FRMD5: variants seen among roughly 807,000 people sequenced by gnomAD.
FRMD5 encodes the protein FERM domain containing 5, also known as FERM domain-containing protein 5.
A neutral mutation model predicts 69.0 loss-of-function variants in FRMD5; 20 were observed. The ratio of observed to expected loss-of-function variants is 0.29; its 90% CI spans 0.20 to 0.42. The LOEUF (loss-of-function observed/expected upper bound fraction) is 0.42, where lower values mean the gene tolerates loss of function less well. Among genes scored for constraint, FRMD5 ranks in the 10% least tolerant of loss-of-function variants. The probability of loss-of-function intolerance (pLI) is 1.00; values close to 1 mark genes in which losing one functional copy is unlikely to be tolerated. For missense variants in FRMD5, 595 were observed against 708.6 expected, an observed-to-expected ratio of 0.84 and a Z score of 1.82; for synonymous variants, 271 against 260.1, an observed-to-expected ratio of 1.04 and a Z score of -0.40.
At position 44,195,097 on chromosome 15, in the gene FRMD5, A is replaced by T; in HGVS notation, c.-43T>A. 8.2e-7 allele frequency: 1 copy of T among 1,219,728 alleles called. No individual in the cohort carries two copies. The highest frequency in any genetic ancestry group is 1.7e-5 in the African/African-American group (1 of 60,256). 75.6% of individuals were successfully genotyped at this position (1,219,728 alleles called of 1,614,324 possible). A position where few individuals can be genotyped will look rare whatever the true frequency, so the allele number is the denominator to read the frequency against. On this transcript the variant is annotated 5_prime_UTR_variant, in exon 1 of 14. Coordinates refer to ENST00000417257, the MANE Select transcript of FRMD5 (RefSeq NM_032892.5). ...CGGGAGCGACGCGGCGGCGCTGCGGACCCTGGACCAGGCGTCCCTCAGCCC... is the reference window on the plus strand; with the variant it reads ...CGGGAGCGACGCGGCGGCGCTGCGGTCCCTGGACCAGGCGTCCCTCAGCCC...
At chr15:43,877,901 C>A (rs137938871) in intron 13 of FRMD5, among the ~76,000 whole-genome samples, 2 of 152,318 alleles carry the variant, frequency 1.3e-5, no homozygotes, top group African/African-American at 2.4e-5. Context: ...TCTATTAAGT[C>A]CTCATGTTGT....
At chr15:44,108,938 G>A (rs1249915247) in intron 1 of FRMD5, among the ~76,000 whole-genome samples, 1 of 148,548 alleles carries the variant, frequency 6.7e-6, no homozygotes, top group African/African-American at 2.6e-5. Context: ...TCCAGCCTGG[G>A]CAACAGAGTG....
intron 1 of FRMD5, among the ~76,000 whole-genome samples, chr15:44,001,075 T>C (rs530729906): frequency 3.2e-4 from 48 of 152,344 alleles, no homozygotes; most frequent in Non-Finnish European, 5.9e-4. Context: ...TTGTTATCTT[T>C]TGTCTTTCTT....
At chr15:44,098,735 G>A (rs1318340694) in intron 1 of FRMD5, among the ~76,000 whole-genome samples, 1 of 152,070 alleles carries the variant, frequency 6.6e-6, no homozygotes, top group African/African-American at 2.4e-5. Flanking sequence ...AAGACTCTAC[G>A]TTTTACTGCC....
chr15:43,935,895 C>T (rs914290548), intron 1 of FRMD5, among the ~76,000 whole-genome samples: 10 of 152,190 alleles, frequency 6.6e-5, no homozygotes, highest in Non-Finnish European at 5.9e-5. Flanking sequence ...ACACTCAATT[C>T]AGTGTGTATC....
chr15:43,873,478 C>G lies in FRMD5; in HGVS notation c.*407G>C, dbSNP rs1427076542. ...CTGCAGAATACAGAGGACAGCAGCT[C>G]TCTAGTTTTCAACTAGTGTCCCCTC... On this transcript the variant is annotated 3_prime_UTR_variant, in exon 14 of 14. Transcript: ENST00000417257. 7.7e-6 allele frequency: 11 copies of G among 1,421,968 alleles called. No homozygotes were observed. The East Asian group carries it at 2.9e-4, about 38-fold the overall frequency. The allele number at this position is 1,421,968 out of a possible 1,614,324, so 88.1% of individuals were successfully genotyped here. A position where few individuals can be genotyped will look rare whatever the true frequency, so the allele number is the denominator to read the frequency against.
Position 43,888,803 on chromosome 15 carries a change from A to G in FRMD5, c.792+6T>C. 1 of 1,612,182 alleles carries G rather than the reference A, an allele frequency of 6.2e-7. No individual in the cohort carries two copies. Among genetic ancestry groups the G allele is most frequent in the Non-Finnish European group, 8.5e-7 (1 of 1,178,248 alleles). ...CCTCCTTGAAGAGAAGGAAGCCAGC[A>G]CTCACCTCTTTCTGACTTACGTATA... On this transcript the variant is annotated splice_donor_region_variant and intron_variant, in intron 9 of 13. Transcript: ENST00000417257.
chr15:44,111,750 G>C (rs374227525), intron 1 of FRMD5, among the ~76,000 whole-genome samples: 14 of 152,288 alleles, frequency 9.2e-5, no homozygotes, highest in African/African-American at 3.1e-4. Flanking sequence ...GCACGAAGGA[G>C]CTAGGGAATA....
chr15:44,137,235 C>A (rs769638996), intron 1 of FRMD5, among the ~76,000 whole-genome samples: 9 of 152,232 alleles, frequency 5.9e-5, no homozygotes, highest in Non-Finnish European at 7.3e-5. Flanking sequence ...CAGGATCACA[C>A]CTCCTTAGCC....
intron 1 of FRMD5, among the ~76,000 whole-genome samples, chr15:44,093,209 C>T (rs897364833): frequency 1.3e-5 from 2 of 152,056 alleles, no homozygotes; most frequent in African/African-American, 2.4e-5. Flanking sequence ...GTATTATGGG[C>T]GTGAGCCACC....
chr15:43,896,367 T>C (rs2088911626), intron 7 of FRMD5, among the ~76,000 whole-genome samples: 1 of 152,214 alleles, frequency 6.6e-6, no homozygotes, highest in Non-Finnish European at 1.5e-5. Context: ...GACAATAATA[T>C]ATACCTGGAG....
chr15:44,166,472 G>A (rs953572556), intron 1 of FRMD5, among the ~76,000 whole-genome samples: 16 of 151,446 alleles, frequency 1.1e-4, no homozygotes, highest in Admixed American at 4.6e-4. Context: ...TATTTCTCTC[G>A]TTATCTTTAC....
intron 1 of FRMD5, among the ~76,000 whole-genome samples, chr15:44,056,202 T>C (rs4419034): frequency 0.83 from 126,051 of 152,176 alleles, 54,871 homozygotes; most frequent in Non-Finnish European, 0.95. Flanking sequence ...TATATTTAGG[T>C]AGTCAACAAG....
chr15:44,047,331 G>A (rs1297411841), intron 1 of FRMD5, among the ~76,000 whole-genome samples: 2 of 151,744 alleles, frequency 1.3e-5, no homozygotes, highest in Admixed American at 6.6e-5. Context: ...GGGAGAGGAG[G>A]GGAAAGGAGG....
chr15:44,093,068 A>C (rs1273436609), intron 1 of FRMD5, among the ~76,000 whole-genome samples: 1 of 151,300 alleles, frequency 6.6e-6, no homozygotes, highest in Non-Finnish European at 1.5e-5. Flanking sequence ...AGTAGCTAGG[A>C]CTATAGGCGC....
At chr15:44,126,408 TA>T (rs1019107915) in intron 1 of FRMD5, among the ~76,000 whole-genome samples, 5 of 152,206 alleles carry the variant, frequency 3.3e-5, no homozygotes, top group African/African-American at 1.2e-4. Context: ...ACTAATACAA[TA>T]AATCTTTAAA....
intron 13 of FRMD5, chr15:43,875,816 T>A: frequency 2.7e-6 from 1 of 376,184 alleles, no homozygotes; most frequent in Non-Finnish European, 4.9e-6. Context: ...TTTTTTTTTT[T>A]TTTTTTTTTT....
chr15:44,027,650 T>TG (rs1491207568), intron 1 of FRMD5, among the ~76,000 whole-genome samples: 7 of 32,296 alleles, frequency 2.2e-4, no homozygotes, highest in African/African-American at 4.0e-4. Flanking sequence ...TTTTTTTTTT[T>TG]GTTTTTTTTT....
intron 1 of FRMD5, among the ~76,000 whole-genome samples, chr15:44,007,466 T>C (rs1248679513): frequency 2.0e-5 from 3 of 152,152 alleles, no homozygotes; most frequent in African/African-American, 7.2e-5. Context: ...TTTGACAAAC[T>C]TGACTGTTTT....
Sources: allele counts gnomAD v4.1 joint callset (sites outside exome capture counted in the v4.1 genomes callset), GRCh38; gene constraint gnomAD v4.1.1; transcripts MANE v1.5; gene names NCBI Gene and HGNC (gene_info 2026-07-23, HGNC 2026-07-21).